Variants in NBEA observed in about 807,000 individuals in gnomAD.
NBEA encodes the protein neurobeachin.
NBEA carries 44 observed loss-of-function variants against 343.4 expected under a neutral mutation model. The observed-to-expected ratio is 0.13, with a 90% CI of 0.10 to 0.16. NBEA has a LOEUF of 0.16. Among genes scored for constraint, NBEA ranks in the 10% least tolerant of loss-of-function variants. NBEA has a pLI of 1.00. For missense variants in NBEA, 2,555 were observed against 3,631.3 expected, an observed-to-expected ratio of 0.70 and a Z score of 7.62; for synonymous variants, 1,175 against 1,238.7, an observed-to-expected ratio of 0.95 and a Z score of 1.08.
intron 1 of NBEA, among the ~76,000 whole-genome samples, chr13:35,001,328 C>A (rs567861776): frequency 6.6e-6 from 1 of 152,114 alleles, no homozygotes; most frequent in Non-Finnish European, 1.5e-5. Flanking sequence ...TAGGATATAT[C>A]CAAATGAAAG....
intron 31 of NBEA, among the ~76,000 whole-genome samples, chr13:35,202,824 T>C (rs2073114452): frequency 6.6e-6 from 1 of 152,176 alleles, no homozygotes; most frequent in South Asian, 2.1e-4. Context: ...ATAAGAAAGC[T>C]GCTCCAACCA....
chr13:35,404,074 T>C (rs548691916), intron 38 of NBEA, among the ~76,000 whole-genome samples: 1 of 152,306 alleles, frequency 6.6e-6, no homozygotes, highest in African/African-American at 2.4e-5. Flanking sequence ...CCAGTTAGAA[T>C]GGCGATCATT....
intron 1 of NBEA, among the ~76,000 whole-genome samples, chr13:34,999,732 C>A (rs1420303517): frequency 2.0e-5 from 3 of 152,120 alleles, no homozygotes; most frequent in Middle Eastern, 6.8e-3. Flanking sequence ...ACAACAACAA[C>A]CTTATGAGGT....
chr13:35,479,788 A>G (rs1355261331), intron 41 of NBEA, among the ~76,000 whole-genome samples: 1 of 152,162 alleles, frequency 6.6e-6, no homozygotes, highest in Admixed American at 6.5e-5. Context: ...TGCTACTAGA[A>G]TAAAATTGTG....
intron 49 of NBEA, among the ~76,000 whole-genome samples, chr13:35,630,900 A>G (rs1181508537): frequency 6.6e-6 from 1 of 152,124 alleles, no homozygotes; most frequent in African/African-American, 2.4e-5. Flanking sequence ...ATAACAGATT[A>G]AATGATTTCA....
intron 1 of NBEA, among the ~76,000 whole-genome samples, chr13:35,020,491 G>C (rs897921068): frequency 6.6e-6 from 1 of 152,050 alleles, no homozygotes; most frequent in Non-Finnish European, 1.5e-5. Flanking sequence ...TAACAATTTA[G>C]TAAAGTTGTT....
At chr13:35,356,537 G>A (rs188290788) in intron 38 of NBEA, among the ~76,000 whole-genome samples, 116 of 152,224 alleles carry the variant, frequency 7.6e-4, no homozygotes, top group African/African-American at 2.7e-3. Context: ...AATCCAATGG[G>A]ATTAATACAA....
intron 1 of NBEA, among the ~76,000 whole-genome samples, chr13:34,949,999 AT>A (rs2059300783): frequency 6.6e-6 from 1 of 152,108 alleles, no homozygotes; most frequent in African/African-American, 2.4e-5. Context: ...AATGTTATAG[AT>A]TTCTGACGGT....
intron 41 of NBEA, among the ~76,000 whole-genome samples, chr13:35,535,647 A>G (rs1469016213): frequency 1.3e-5 from 2 of 152,150 alleles, no homozygotes; most frequent in Non-Finnish European, 2.9e-5. Context: ...ATTTCATTTA[A>G]TACTCACAGC....
At chr13:35,172,867 A>G (rs2070576978) in intron 26 of NBEA, among the ~76,000 whole-genome samples, 1 of 152,100 alleles carries the variant, frequency 6.6e-6, no homozygotes, top group Admixed American at 6.6e-5. Flanking sequence ...ACTCTGTACT[A>G]CTTGTTACAG....
At chr13:35,484,268 G>GTATATA (rs1469143902) in intron 41 of NBEA, among the ~76,000 whole-genome samples, 181 of 107,368 alleles carry the variant, frequency 1.7e-3, no homozygotes, top group Non-Finnish European at 3.1e-3. Context: ...GTGTGTGTGT[G>GTATATA]TGTGTGTATA....
chr13:34,946,911 G>A (rs1334088167), intron 1 of NBEA, among the ~76,000 whole-genome samples: 1 of 131,500 alleles, frequency 7.6e-6, no homozygotes, highest in African/African-American at 2.9e-5. Flanking sequence ...TTTTAAATTT[G>A]CAGCTTGATA....
At chr13:35,532,872 G>A (rs1422708338) in intron 41 of NBEA, among the ~76,000 whole-genome samples, 1 of 152,020 alleles carries the variant, frequency 6.6e-6, no homozygotes, top group Non-Finnish European at 1.5e-5. Flanking sequence ...TAATTTCTAA[G>A]GCACTAGTAA....
At chr13:35,161,599 A>T in intron 22 of NBEA, 151 bp from the exon 23 acceptor site, 1 of 705,602 alleles carries the variant, frequency 1.4e-6, no homozygotes, top group Non-Finnish European at 2.2e-6. Context: ...GCAAGGAATT[A>T]CCAGGTGAAT....
chr13:35,489,057 CA>C (rs963976718), intron 41 of NBEA, among the ~76,000 whole-genome samples: 1 of 151,064 alleles, frequency 6.6e-6, no homozygotes, highest in Admixed American at 6.6e-5. Flanking sequence ...TCTTTAAGTG[CA>C]GGCGCATGTT....
At chr13:35,099,025 C>CT (rs35150346) in intron 11 of NBEA, among the ~76,000 whole-genome samples, 22,199 of 125,794 alleles carry the variant, frequency 0.18, 2,504 homozygotes, top group East Asian at 0.45. Context: ...TTCACTTAGA[C>CT]TTTTTTTTTT....
At chr13:35,579,463 G>A (rs991634856) in intron 45 of NBEA, among the ~76,000 whole-genome samples, 3 of 152,032 alleles carry the variant, frequency 2.0e-5, no homozygotes, top group Non-Finnish European at 4.4e-5. Flanking sequence ...CAATATGCAG[G>A]TTTAAAAGAT....
chr13:35,232,409 AAATATTT>A (rs2075026788), intron 33 of NBEA, 76 bp from the exon 34 acceptor site: 1 of 956,600 alleles, frequency 1.0e-6, no homozygotes, highest in African/African-American at 1.7e-5. Context: ...TATGATTTTT[AAATATTT>A]TAATTTAGAA....
intron 40 of NBEA, among the ~76,000 whole-genome samples, chr13:35,468,132 G>GCCCCAA (rs1566176841): frequency 9.7e-6 from 1 of 103,028 alleles, no homozygotes; most frequent in Non-Finnish European, 1.9e-5. Flanking sequence ...CCCCTCCCCT[G>GCCCCAA]AAAATGATTA....
Sources: gnomAD v4.1 joint callset for allele counts (sites outside exome capture counted in the v4.1 genomes callset) on GRCh38, gnomAD v4.1.1 for gene constraint, MANE v1.5 for transcripts, NCBI Gene and HGNC (gene_info 2026-07-23, HGNC 2026-07-21) for gene names.